ADGRG6: variants seen among roughly 807,000 people sequenced by gnomAD.
The protein encoded by ADGRG6 is adhesion G protein-coupled receptor G6.
In ADGRG6, 84 loss-of-function variants were observed where a neutral mutation model predicts 142.4. That is an observed-to-expected ratio of 0.59 (90% CI 0.49 to 0.71). The LOEUF (loss-of-function observed/expected upper bound fraction) is 0.71, where lower values mean the gene tolerates loss of function less well. Ranked by LOEUF, ADGRG6 falls within the 30% of genes least tolerant of loss-of-function variation. The probability of loss-of-function intolerance (pLI) is 0.00; values close to 1 mark genes in which losing one functional copy is unlikely to be tolerated. For missense variants in ADGRG6, 1,367 were observed against 1,466.6 expected (o/e 0.93, Z 1.11); for synonymous variants, 521 against 520.5 (o/e 1.00, Z -0.01).
chr6:142,332,116 A>C (rs1253488521), intron 2 of ADGRG6, among the ~76,000 whole-genome samples: 2 of 152,180 alleles, frequency 1.3e-5, no homozygotes, highest in Non-Finnish European at 2.9e-5. Flanking sequence ...AATTCTTCTT[A>C]AAGTAGATGG....
intron 2 of ADGRG6, among the ~76,000 whole-genome samples, chr6:142,327,627 A>G (rs1778843045): frequency 6.6e-6 from 1 of 152,080 alleles, no homozygotes; most frequent in Admixed American, 6.6e-5. Context: ...TCTCTGCAAG[A>G]GTATTATGTA....
At chr6:142,335,474 TC>T (rs566420604) in intron 2 of ADGRG6, among the ~76,000 whole-genome samples, 61 of 152,280 alleles carry the variant, frequency 4.0e-4, no homozygotes, top group African/African-American at 1.3e-3. Flanking sequence ...AGGATTCAGT[TC>T]CTGGGAGGAC....
chr6:142,302,583 C>T, intron 1 of ADGRG6: 5 of 494,772 alleles, frequency 1.0e-5, no homozygotes, highest in South Asian at 7.4e-5. Context: ...CACATTTGGG[C>T]GGTGTAAAGC....
chr6:142,366,177 T>C (rs1271746609), intron 2 of ADGRG6, among the ~76,000 whole-genome samples: 1 of 152,206 alleles, frequency 6.6e-6, no homozygotes, highest in African/African-American at 2.4e-5. Context: ...ACCTAACTGT[T>C]CTCATTAGTG....
Position 142,402,734 on chromosome 6 carries a change from A to G in ADGRG6, c.1859A>G (p.Glu620Gly). ...CAGGTCAAAAGAATTGTGAATAAAG[A>G]AGAAAACATTGATATAACACTTGGC... is the stretch of plus-strand genomic sequence containing the variant. ...VEQVKRIVNKEENIDITLGST... is the reference protein window; with the variant it reads ...VEQVKRIVNKGENIDITLGST... The change falls in exon 13 of 25, where the codon GAA becomes GGA. Residue 620 changes from glutamate (E) to glycine (G), a missense_variant. By Grantham distance (98) the Glu-to-Gly change is moderately conservative (BLOSUM62 -2). Around this residue, in one of 3 missense-constraint regions of ADGRG6, gnomAD observed 737 missense variants for 746.5 expected, o/e 0.99. Transcript: ENST00000367609. The G allele has an allele frequency of 6.3e-7, 1 of 1,599,534 alleles. No individual in the cohort carries two copies. The highest frequency in any genetic ancestry group is 8.6e-7 in the Non-Finnish European group (1 of 1,167,256).
At chr6:142,359,380 T>C (rs1276722724) in intron 2 of ADGRG6, among the ~76,000 whole-genome samples, 3 of 152,026 alleles carry the variant, frequency 2.0e-5, no homozygotes, top group Non-Finnish European at 4.4e-5. Flanking sequence ...ATCTCTTATT[T>C]CTCCCCACTT....
intron 4 of ADGRG6, among the ~76,000 whole-genome samples, chr6:142,378,846 C>T (rs1044311288): frequency 9.2e-5 from 14 of 152,218 alleles, no homozygotes; most frequent in African/African-American, 3.4e-4. Flanking sequence ...GATATTGTCA[C>T]ACCCTGCATT....
At chr6:142,354,182 T>C (rs979284552) in intron 2 of ADGRG6, among the ~76,000 whole-genome samples, 1 of 152,132 alleles carries the variant, frequency 6.6e-6, no homozygotes, top group African/African-American at 2.4e-5. Flanking sequence ...CATTTTCTCC[T>C]ATTAAAAAAA....
rs568496339 is a variant in ADGRG6 at position 142,322,609 on chromosome 6, C to T, written c.103+12965C>T. 2.9e-4 allele frequency among the ~76,000 whole-genome samples: 44 copies of T among 152,196 alleles called. No homozygotes were observed. The South Asian group carries it at 5.2e-3, about 18-fold the overall frequency. Reference sequence around the variant, plus strand: ...AATTAAAAACTAATGCAAAAACCAACATATCCTTTTTCATAATATATTGGA... The same window carrying T: ...AATTAAAAACTAATGCAAAAACCAATATATCCTTTTTCATAATATATTGGA... On this transcript the variant is annotated intron_variant, in intron 2 of 24. Coordinates refer to ENST00000367609, the MANE Select transcript of ADGRG6 (RefSeq NM_198569.3).
intron 2 of ADGRG6, among the ~76,000 whole-genome samples, chr6:142,356,333 A>G (rs1459870484): frequency 6.6e-6 from 1 of 152,202 alleles, no homozygotes; most frequent in Non-Finnish European, 1.5e-5. Flanking sequence ...AAAATAGCAC[A>G]ATAAGTACTG....
intron 11 of ADGRG6, among the ~76,000 whole-genome samples, chr6:142,400,934 C>G (rs1329111768): frequency 6.6e-6 from 1 of 152,120 alleles, no homozygotes; most frequent in African/African-American, 2.4e-5. Flanking sequence ...AACTTTTTAA[C>G]TATTTTGACT....
intron 2 of ADGRG6, among the ~76,000 whole-genome samples, chr6:142,325,477 A>G (rs1348130816): frequency 6.6e-6 from 1 of 152,148 alleles, no homozygotes; most frequent in African/African-American, 2.4e-5. Context: ...TTTTAACTGA[A>G]TTTTATAATG....
rs1402795609 is a variant in ADGRG6, at chr6:142,446,171, G to C, written c.*2656G>C. On this transcript the variant is annotated 3_prime_UTR_variant, in exon 25 of 25. Transcript: ENST00000367609. ...GTGACTGTGAGTGCAAATAGAATTAGCAGTAAGAAGCTACTCTAGCTAATT... is the reference window on the plus strand; with the variant it reads ...GTGACTGTGAGTGCAAATAGAATTACCAGTAAGAAGCTACTCTAGCTAATT... 6.6e-6 allele frequency: 1 copy of C among 152,554 alleles called. No homozygotes were observed. Among genetic ancestry groups the C allele is most frequent in the Non-Finnish European group, 1.5e-5 (1 of 68,012 alleles). 9.5% of individuals were successfully genotyped at this position (152,554 alleles called of 1,614,324 possible).
At chr6:142,395,129 A>G (rs991319521) in intron 9 of ADGRG6, among the ~76,000 whole-genome samples, 2 of 152,134 alleles carry the variant, frequency 1.3e-5, no homozygotes, top group African/African-American at 4.8e-5. Context: ...ATATTGAAAG[A>G]TGTCATTTTT....
chr6:142,338,183 G>A (rs1779441052), intron 2 of ADGRG6, among the ~76,000 whole-genome samples: 1 of 151,088 alleles, frequency 6.6e-6, no homozygotes. Context: ...ACTACGCCCG[G>A]CTAACTTTTT....
intron 1 of ADGRG6, among the ~76,000 whole-genome samples, chr6:142,304,324 G>A (rs993184107): frequency 6.6e-6 from 1 of 152,058 alleles, no homozygotes; most frequent in Admixed American, 6.5e-5. Flanking sequence ...TAGACTTTAC[G>A]AATATATTTG....
intron 2 of ADGRG6, among the ~76,000 whole-genome samples, chr6:142,336,749 AG>A (rs1449721910): frequency 6.6e-6 from 1 of 152,210 alleles, no homozygotes; most frequent in Non-Finnish European, 1.5e-5. Context: ...CCCTCCTTAG[AG>A]GGGTGGTATT....
intron 1 of ADGRG6, 60 bp from the exon 2 acceptor site, chr6:142,309,480 CTTTA>C: frequency 8.5e-7 from 1 of 1,174,548 alleles, no homozygotes; most frequent in Non-Finnish European, 1.2e-6. Flanking sequence ...ATAGTTTTTA[CTTTA>C]TTTGTCATAA....
intron 2 of ADGRG6, among the ~76,000 whole-genome samples, chr6:142,360,120 T>C (rs1780644751): frequency 6.6e-6 from 1 of 152,110 alleles, no homozygotes; most frequent in Admixed American, 6.5e-5. Context: ...TTTGAGATGG[T>C]GTGGGAGAAA....
Sources: gnomAD v4.1 joint callset for allele counts (sites outside exome capture counted in the v4.1 genomes callset) on GRCh38, gnomAD v4.1.1 for gene constraint, gnomAD v4.1.1 regional missense constraint, MANE v1.5 for transcripts, NCBI Gene and HGNC (gene_info 2026-07-23, HGNC 2026-07-21) for gene names.